Variants in PIK3R5 observed in about 807,000 individuals in gnomAD.
The protein encoded by PIK3R5 is phosphoinositide-3-kinase regulatory subunit 5.
Under a neutral mutation model 94.9 loss-of-function variants are expected in PIK3R5, and 32 were observed. That is an observed-to-expected ratio of 0.34 (90% confidence interval 0.25 to 0.45). The LOEUF is 0.45. PIK3R5 is among the 20% of genes least tolerant of loss of function. The pLI, the probability that PIK3R5 is intolerant of heterozygous loss-of-function variation, is 1.00. For missense variants in PIK3R5, 853 were observed against 1,144.6 expected, an observed-to-expected ratio of 0.75 and a Z score of 3.68; for synonymous variants, 443 against 479.4, an observed-to-expected ratio of 0.92 and a Z score of 0.99.
In PIK3R5 at chr17:8,935,778, C is replaced by T. The variant is rs545108410; in HGVS notation, c.-13-24271G>A. 5.9e-5 allele frequency among the ~76,000 whole-genome samples: 9 copies of T among 152,072 alleles called. No homozygotes were observed. Among genetic ancestry groups the T allele is most frequent in the Non-Finnish European group, 1.0e-4 (7 of 67,950 alleles). ...CAGTCAACATAAGAAGACAAGGCCA[C>T]GCATGGTGGCTCACGCTTGTAATCC... On this transcript the variant is annotated intron_variant, in intron 1 of 18. Coordinates refer to ENST00000447110, the MANE Select transcript of PIK3R5 (RefSeq NM_001142633.3). This position sits in a 1 kb window ranked among gnomAD's most constrained non-coding sequence, Gnocchi z 4.5.
At chr17:8,899,888 A>C (rs2090241987) in intron 5 of PIK3R5, among the ~76,000 whole-genome samples, 1 of 152,080 alleles carries the variant, frequency 6.6e-6, no homozygotes, top group African/African-American at 2.4e-5. Flanking sequence ...AAATACAAAA[A>C]TTAGCCAGGC....
intron 5 of PIK3R5, among the ~76,000 whole-genome samples, chr17:8,898,540 TGTG>T (rs2090204628): frequency 3.9e-5 from 6 of 152,230 alleles, no homozygotes; most frequent in South Asian, 2.1e-4. Context: ...TTGTCAGCTA[TGTG>T]ACCTGGGGCA....
In PIK3R5 at chr17:8,922,385, C is replaced by T. The variant is rs182016821; in HGVS notation, c.-13-10878G>A. 2.0e-4 allele frequency among the ~76,000 whole-genome samples: 30 copies of T among 152,136 alleles called. 1 individual carries two copies. Among genetic ancestry groups the T allele is most frequent in the Non-Finnish European group, 4.0e-4 (27 of 68,032 alleles). On this transcript the variant is annotated intron_variant, in intron 1 of 18. Transcript: ENST00000447110. ...TTTGATAATCATAATCACCCTGTGA[C>T]ATTATCATAATTATTCACATTTCCT... is the stretch of plus-strand genomic sequence containing the variant.
At chr17:8,919,764 T>TGGAAACA (rs2090697957) in intron 1 of PIK3R5, among the ~76,000 whole-genome samples, 1 of 152,198 alleles carries the variant, frequency 6.6e-6, no homozygotes, top group Non-Finnish European at 1.5e-5. Context: ...GACAAATGTG[T>TGGAAACA]GGAAACATTC....
In PIK3R5 at chr17:8,896,687, T is replaced by C. The variant is rs955224919; in HGVS notation, c.413-3032A>G. On this transcript the variant is annotated intron_variant, in intron 5 of 18. Coordinates refer to ENST00000447110, the MANE Select transcript of PIK3R5 (RefSeq NM_001142633.3). The surrounding 1 kb of genome is among the most constrained non-coding windows in gnomAD (Gnocchi z 4.0). The stretch of plus-strand genomic sequence containing the variant: ...GGGGATCCTGCACAGAACAGCAGAC[T>C]GTGAAGATCCAGGACACAGGAAAAT... Among the ~76,000 whole-genome samples the C allele has an allele frequency of 1.3e-5, 2 of 152,178 alleles. No homozygotes were observed. The highest frequency in any genetic ancestry group is 4.8e-5 in the African/African-American group (2 of 41,446).
In PIK3R5 at chr17:8,888,543, C is replaced by A; in HGVS notation, c.1244G>T (p.Arg415Leu). The A allele has an allele frequency of 3.7e-6, 6 of 1,611,500 alleles. No homozygotes were observed. Among genetic ancestry groups the A allele is most frequent in the Non-Finnish European group, 5.1e-6 (6 of 1,179,610 alleles). ...RRGSQERRGH[R>L]RPGQKFIRIY... is the part of the protein sequence containing the mutation. ...CCTGATGAACTTCTGCCCAGGCCTG[C>A]GGTGGCCTCGGCGTTCCTGGCTGCC... Residue 415 changes from arginine (R) to leucine (L), a missense_variant, in exon 10 of 19, where the codon CGC becomes CTC. Arg to Leu is a moderately radical substitution (Grantham distance 102). Transcript: ENST00000447110. This position sits in a 1 kb window ranked among gnomAD's most constrained non-coding sequence, Gnocchi z 7.8.
intron 1 of PIK3R5, among the ~76,000 whole-genome samples, chr17:8,959,868 G>A (rs1229353023): frequency 6.6e-6 from 1 of 152,192 alleles, no homozygotes; most frequent in Non-Finnish European, 1.5e-5. Context: ...ACAGAATGAA[G>A]GCCTGGCAAA....
At chr17:8,894,299 G>A (rs569049712) in intron 5 of PIK3R5, among the ~76,000 whole-genome samples, 5 of 152,194 alleles carry the variant, frequency 3.3e-5, no homozygotes, top group African/African-American at 4.8e-5. Context: ...GCTACTCCTC[G>A]GTCCCTGCCG....
intron 6 of PIK3R5, among the ~76,000 whole-genome samples, chr17:8,891,877 C>T (rs59743110): frequency 0.024 from 3,684 of 151,960 alleles, 178 homozygotes; most frequent in African/African-American, 0.084. Flanking sequence ...GTGCTGGGAT[C>T]ACAGGCGTGA....
chr17:8,907,177 C>T (rs1332288724), intron 3 of PIK3R5, among the ~76,000 whole-genome samples: 4 of 151,728 alleles, frequency 2.6e-5, no homozygotes, highest in African/African-American at 4.8e-5. Context: ...GCACGTGCCA[C>T]CATACCCAGC....
chr17:8,961,405 C>A (rs555516683), intron 1 of PIK3R5, among the ~76,000 whole-genome samples: 1 of 152,070 alleles, frequency 6.6e-6, no homozygotes, highest in African/African-American at 2.4e-5. Context: ...GAGGCCAAGG[C>A]GGGCAGAACA....
rs775337581 is a variant in PIK3R5, at chr17:8,925,130, G to C, written c.-13-13623C>G. Among the ~76,000 whole-genome samples the C allele has an allele frequency of 1.2e-4, 18 of 150,726 alleles. No individual in the cohort carries two copies. The highest frequency in any genetic ancestry group is 4.4e-4 in the African/African-American group (18 of 40,720). On this transcript the variant is annotated intron_variant, in intron 1 of 18. Transcript: ENST00000447110. This position sits in a 1 kb window ranked among gnomAD's most constrained non-coding sequence, Gnocchi z 5.1. ...TGGATAGATAGATAGTAGATGGATA[G>C]ATAGATAGTAGATGAATAGATAGCT...
At chr17:8,946,755 C>G (rs2091279499) in intron 1 of PIK3R5, among the ~76,000 whole-genome samples, 1 of 152,116 alleles carries the variant, frequency 6.6e-6, no homozygotes, top group African/African-American at 2.4e-5. Flanking sequence ...TCTCCTGCCT[C>G]AGGACCTTCG....
chr17:8,963,529 T>C (rs547110527), intron 1 of PIK3R5, among the ~76,000 whole-genome samples: 59 of 147,786 alleles, frequency 4.0e-4, no homozygotes, highest in African/African-American at 9.7e-4. Flanking sequence ...TCTTCTTCTT[T>C]TTTTTTTTTT....
At chr17:8,931,202 T>C (rs575976841) in intron 1 of PIK3R5, among the ~76,000 whole-genome samples, 9 of 152,360 alleles carry the variant, frequency 5.9e-5, no homozygotes, top group Admixed American at 3.9e-4. Context: ...CCACTACCAA[T>C]AGTCTGATCT....
Position 8,890,196 on chromosome 17 carries a change from A to T in PIK3R5, c.658-70T>A. Reference sequence around the variant, plus strand: ...TAGCTGTCCACCTGTTCCAGTTGCTAGCTTCTTACTGAGGGAGGCAGTGAT... The same window carrying T: ...TAGCTGTCCACCTGTTCCAGTTGCTTGCTTCTTACTGAGGGAGGCAGTGAT... On this transcript the variant is annotated intron_variant, in intron 7 of 18. Coordinates refer to ENST00000447110, the MANE Select transcript of PIK3R5 (RefSeq NM_001142633.3). This position sits in a 1 kb window ranked among gnomAD's most constrained non-coding sequence, Gnocchi z 6.1. The T allele has an allele frequency of 6.5e-7, 1 of 1,526,726 alleles. No homozygotes were observed. Among genetic ancestry groups the T allele is most frequent in the Non-Finnish European group, 9.0e-7 (1 of 1,112,004 alleles). 94.6% of individuals were successfully genotyped at this position (1,526,726 alleles called of 1,614,324 possible). A position where few individuals can be genotyped will look rare whatever the true frequency, so the allele number is the denominator to read the frequency against.
rs965533751 is a variant in PIK3R5 at position 8,881,549 on chromosome 17, A to G, written c.2382+81T>C. Reference sequence around the variant, plus strand: ...CACACATGCACACACATACATGTGCACACACACGTACACACATACGCACAT... The same window carrying G: ...CACACATGCACACACATACATGTGCGCACACACGTACACACATACGCACAT... On this transcript the variant is annotated intron_variant, in intron 17 of 18. Coordinates refer to ENST00000447110, the MANE Select transcript of PIK3R5 (RefSeq NM_001142633.3). The surrounding 1 kb of genome is among the most constrained non-coding windows in gnomAD (Gnocchi z 4.8). The G allele has an allele frequency of 2.9e-6, 3 of 1,043,508 alleles. No individual in the cohort carries two copies. The highest frequency in any genetic ancestry group is 3.2e-5 in the African/African-American group (2 of 62,314). The allele number at this position is 1,043,508 out of a possible 1,614,324, so 64.6% of individuals were successfully genotyped here.
chr17:8,886,660 A>C (rs2089866526), intron 12 of PIK3R5, 55 bp from the exon 13 acceptor site: 2 of 1,518,906 alleles, frequency 1.3e-6, no homozygotes, highest in Admixed American at 4.4e-5. Context: ...ATAGATGGTA[A>C]GAAGGAGCAA....
At chr17:8,940,813 G>A (rs1171198290) in intron 1 of PIK3R5, among the ~76,000 whole-genome samples, 1 of 152,094 alleles carries the variant, frequency 6.6e-6, no homozygotes, top group Non-Finnish European at 1.5e-5. Flanking sequence ...TGCCTGCCTC[G>A]TCCTCCCAAA....
Sources: allele counts gnomAD v4.1 joint callset (sites outside exome capture counted in the v4.1 genomes callset), GRCh38; gene constraint gnomAD v4.1.1; non-coding constraint Gnocchi (gnomAD v3.1); transcripts MANE v1.5; gene names NCBI Gene and HGNC (gene_info 2026-07-23, HGNC 2026-07-21).